Variants in NTM observed in about 807,000 individuals in gnomAD.
NTM encodes IgLON family member 2.
In NTM, 13 loss-of-function variants were observed where a neutral mutation model predicts 42.1. The ratio of observed to expected loss-of-function variants is 0.31; its 90% CI spans 0.20 to 0.49. NTM has a LOEUF of 0.49. Among genes scored for constraint, NTM ranks in the 20% least tolerant of loss-of-function variants. The probability of loss-of-function intolerance (pLI) is 0.99; values close to 1 mark genes in which losing one functional copy is unlikely to be tolerated. For missense variants in NTM, 373 were observed against 452.8 expected, an observed-to-expected ratio of 0.82 and a Z score of 1.60; for synonymous variants, 187 against 179.2, an observed-to-expected ratio of 1.04 and a Z score of -0.35.
chr11:132,023,130 G>A (rs983185147), intron 2 of NTM, among the ~76,000 whole-genome samples: 15 of 152,118 alleles, frequency 9.9e-5, no homozygotes, highest in African/African-American at 3.6e-4. Context: ...TGCAGCGTGG[G>A]GAAGACACAT....
chr11:131,504,130 A>G (rs184355008), intron 1 of NTM, among the ~76,000 whole-genome samples: 19 of 152,100 alleles, frequency 1.2e-4, no homozygotes, highest in Non-Finnish European at 2.1e-4. Context: ...CTGCTTCTGG[A>G]CACTGTGGCT....
chr11:131,986,248 C>A (rs1250007106), intron 2 of NTM, among the ~76,000 whole-genome samples: 3 of 152,228 alleles, frequency 2.0e-5, no homozygotes, highest in African/African-American at 7.2e-5. Flanking sequence ...TATGTCTCTG[C>A]TGGCTGTTCA....
intron 2 of NTM, among the ~76,000 whole-genome samples, chr11:132,028,941 C>T (rs935818563): frequency 1.3e-5 from 2 of 152,124 alleles, no homozygotes; most frequent in Admixed American, 6.5e-5. Context: ...AAGTCTGGAG[C>T]TCTCATGTTT....
At chr11:132,147,210 TGTGTGAGA>T (rs1202961409) in intron 3 of NTM, among the ~76,000 whole-genome samples, 46 of 126,236 alleles carry the variant, frequency 3.6e-4, no homozygotes, top group African/African-American at 9.6e-4. Flanking sequence ...TGTGTGTGTG[TGTGTGAGA>T]GAGAGAGAGA....
chr11:131,870,435 C>T (rs2047662936), intron 1 of NTM, among the ~76,000 whole-genome samples: 1 of 152,166 alleles, frequency 6.6e-6, no homozygotes, highest in Non-Finnish European at 1.5e-5. Flanking sequence ...GGTCTCTTTC[C>T]TCTGAGTAGA....
intron 1 of NTM, among the ~76,000 whole-genome samples, chr11:131,610,937 G>C (rs1213042485): frequency 6.6e-6 from 1 of 152,190 alleles, no homozygotes; most frequent in Non-Finnish European, 1.5e-5. Flanking sequence ...AAGAAAAATT[G>C]ATCTGGTGAA....
At chr11:131,378,885 C>T (rs1488814437) in intron 1 of NTM, among the ~76,000 whole-genome samples, 1 of 152,210 alleles carries the variant, frequency 6.6e-6, no homozygotes, top group Non-Finnish European at 1.5e-5. Flanking sequence ...AATAAAGACT[C>T]ATGCTCAGAA....
chr11:132,141,208 G>GTTCTCTCTCTCT (rs958989592), intron 2 of NTM: 1 of 149,630 alleles, frequency 6.7e-6, no homozygotes. Flanking sequence ...CAATTCCCAG[G>GTTCTCTCTCTCT]TTCTCTCTCT....
chr11:132,000,529 G>A (rs1050151327), intron 2 of NTM, among the ~76,000 whole-genome samples: 1 of 152,196 alleles, frequency 6.6e-6, no homozygotes, highest in Non-Finnish European at 1.5e-5. Flanking sequence ...TGGGGTGAAT[G>A]TGTACAAGTA....
In NTM at chr11:131,671,752, G is replaced by A. The variant is rs370599761; in HGVS notation, c.83-239812G>A. On this transcript the variant is annotated intron_variant, in intron 1 of 8. Transcript: ENST00000683400. ...AGTGGTCGATCAAAGAAGTGGCATC[G>A]AAAGTGGCAAAGAGAAGTGTGTCCC... Among the ~76,000 whole-genome samples, 39 of 152,342 alleles carry A rather than the reference G, an allele frequency of 2.6e-4. 1 individual carries two copies. Among genetic ancestry groups the A allele is most frequent in the African/African-American group, 7.9e-4 (33 of 41,578 alleles).
chr11:131,605,821 C>G, intron 1 of NTM: 1 of 984,808 alleles, frequency 1.0e-6, no homozygotes, highest in Non-Finnish European at 1.2e-6. Flanking sequence ...GTAGACAGCC[C>G]TATTTCTAAC....
intron 3 of NTM, among the ~76,000 whole-genome samples, chr11:132,181,800 T>C (rs1420538159): frequency 3.9e-5 from 6 of 152,086 alleles, no homozygotes; most frequent in African/African-American, 1.4e-4. Context: ...TCTAACTGTC[T>C]CTGTATCTTT....
At chr11:132,165,598 G>T (rs1275712034) in intron 3 of NTM, among the ~76,000 whole-genome samples, 1 of 152,186 alleles carries the variant, frequency 6.6e-6, no homozygotes, top group East Asian at 1.9e-4. Context: ...GTAGATATGA[G>T]TGTGATATGA....
chr11:132,178,614 A>G (rs764511546), intron 3 of NTM, among the ~76,000 whole-genome samples: 9 of 152,354 alleles, frequency 5.9e-5, no homozygotes, highest in Admixed American at 1.3e-4. Context: ...GTAATCATAT[A>G]TAAAATATGA....
At chr11:132,319,961 T>A (rs572613649) in intron 7 of NTM, among the ~76,000 whole-genome samples, 23 of 152,328 alleles carry the variant, frequency 1.5e-4, no homozygotes, top group Admixed American at 3.3e-4. Context: ...GGTTCACCAA[T>A]ATCCCCTGTT....
intron 2 of NTM, among the ~76,000 whole-genome samples, chr11:131,988,936 A>C (rs2066535114): frequency 6.6e-6 from 1 of 152,220 alleles, no homozygotes; most frequent in Non-Finnish European, 1.5e-5. Context: ...AAACAGAGAA[A>C]GTAAAATATA....
At chr11:132,136,889 G>A (rs1294885850) in intron 2 of NTM, among the ~76,000 whole-genome samples, 2 of 152,166 alleles carry the variant, frequency 1.3e-5, no homozygotes, top group Non-Finnish European at 2.9e-5. Flanking sequence ...GAAGCCAGGA[G>A]TGACACACAT....
rs558147752 is a variant in NTM, at chr11:131,868,894, G to A, written c.83-42670G>A. ...ATCTGTATTCACATCCCATCCCTCT[G>A]TCTTGAAGAGACTCACCACTTTGTT... On this transcript the variant is annotated intron_variant, in intron 1 of 8. Transcript: ENST00000683400. 2.5e-4 allele frequency among the ~76,000 whole-genome samples: 38 copies of A among 152,222 alleles called. No homozygotes were observed. In the South Asian group the frequency reaches 5.4e-3, roughly 22 times the overall value.
At chr11:131,466,472 T>A (rs530760455) in intron 1 of NTM, among the ~76,000 whole-genome samples, 1 of 152,292 alleles carries the variant, frequency 6.6e-6, no homozygotes, top group East Asian at 1.9e-4. Context: ...TAAGCAGTTG[T>A]GGAGGTTTGG....
Sources: allele counts gnomAD v4.1 joint callset (sites outside exome capture counted in the v4.1 genomes callset), GRCh38; gene constraint gnomAD v4.1.1; transcripts MANE v1.5; gene names NCBI Gene and HGNC (gene_info 2026-07-23, HGNC 2026-07-21).